Variants in P2RX6 observed in about 807,000 individuals in gnomAD.
P2RX6 encodes the protein purinergic receptor P2X 6, also known as P2X purinoceptor 6.
P2RX6 carries 62 observed loss-of-function variants against 54.2 expected under a neutral mutation model. The ratio of observed to expected loss-of-function variants is 1.14; its 90% confidence interval spans 0.93 to 1.41. P2RX6 has a LOEUF of 1.41. P2RX6 is among the 40% of genes most tolerant of loss of function. The pLI is 0.00. For synonymous variants in P2RX6, 211 were observed against 231.9 expected (o/e 0.91, Z 0.82); for missense variants, 541 against 566.3 (o/e 0.96, Z 0.45).
intron 2 of P2RX6, 45 bp from the exon 3 acceptor site, chr22:21,017,944 G>A: frequency 7.6e-7 from 1 of 1,316,040 alleles, no homozygotes; most frequent in Non-Finnish European, 1.1e-6. Context: ...GGCCTTTCCA[G>A]TCAACACGAG....
At position 21,026,690 on chromosome 22, in the gene P2RX6, C is replaced by T. The variant is rs1186855885; in HGVS notation, c.*73C>T. 3 of 1,508,932 alleles carry T rather than the reference C, an allele frequency of 2.0e-6. No homozygotes were observed. Among genetic ancestry groups the T allele is most frequent in the Non-Finnish European group, 2.7e-6 (3 of 1,124,056 alleles). The allele number at this position is 1,508,932 out of a possible 1,614,324, so 93.5% of individuals were successfully genotyped here. On this transcript the variant is annotated 3_prime_UTR_variant, in exon 12 of 12. Coordinates refer to ENST00000413302, the MANE Select transcript of P2RX6 (RefSeq NM_005446.5). This position sits in a 1 kb window ranked among gnomAD's most constrained non-coding sequence, Gnocchi z 4.0. Reference sequence around the variant, plus strand: ...GCCTGGGGATCTCAAGGATGAGGCCCCAGCATGGAGGATTGGGGGTAGAAT... The same window carrying T: ...GCCTGGGGATCTCAAGGATGAGGCCTCAGCATGGAGGATTGGGGGTAGAAT...
In P2RX6 at chr22:21,016,842, C is replaced by T. The variant is rs1365327897; in HGVS notation, c.315+750C>T. On this transcript the variant is annotated intron_variant, in intron 2 of 11. Transcript: ENST00000413302. Reference sequence around the variant, plus strand: ...AGCCTCAACTGCCACTTCTGCTCCTCTGATGCCCAGGGTGTATTCCCAGTG... The same window carrying T: ...AGCCTCAACTGCCACTTCTGCTCCTTTGATGCCCAGGGTGTATTCCCAGTG... 7.2e-5 allele frequency among the ~76,000 whole-genome samples: 11 copies of T among 152,178 alleles called. No individual in the cohort carries two copies. The East Asian group carries it at 2.1e-3, about 29-fold the overall frequency.
Position 21,015,209 on chromosome 22 carries a change from G to T in P2RX6, c.35G>T (p.Gly12Val), listed in dbSNP as rs1926113679. The change falls in exon 1 of 12, where the codon GGC becomes GTC. Residue 12 changes from glycine to valine, a missense_variant. Gly to Val is a moderately radical substitution (Grantham distance 109). This residue lies in a region of P2RX6 where 15 missense variants were observed against 34.8 expected (regional missense o/e 0.43). Transcript: ENST00000413302. The part of the protein sequence containing the change: ...CPQLAGAGSM[G>V]SPGATTGWGL... ...CAGCTAGCAGGAGCTGGCAGCATGG[G>T]CTCCCCAGGGGCTACGACAGGCTGG... The T allele has an allele frequency of 1.3e-6, 2 of 1,520,230 alleles. No homozygotes were observed. Among genetic ancestry groups the T allele is most frequent in the Admixed American group, 2.6e-5 (1 of 39,046 alleles). 94.2% of individuals were successfully genotyped at this position (1,520,230 alleles called of 1,614,324 possible). A position where few individuals can be genotyped will look rare whatever the true frequency, so the allele number is the denominator to read the frequency against.
intron 8 of P2RX6, among the ~76,000 whole-genome samples, chr22:21,023,959 G>GTT (rs35808816): frequency 2.8e-5 from 4 of 142,328 alleles, no homozygotes; most frequent in Non-Finnish European, 3.1e-5. Flanking sequence ...CTTCAGCTTT[G>GTT]TTTTTTTTTT....
At chr22:21,018,140 C>A in intron 3 of P2RX6, 80 bp downstream of exon 3, 1 of 906,552 alleles carries the variant, frequency 1.1e-6, no homozygotes, top group South Asian at 1.4e-5. Flanking sequence ...TCCCTTTCCC[C>A]TTCCCAGGTG....
upstream of P2RX6, chr22:21,014,253 G>A (rs1396487558): frequency 1.3e-5 from 2 of 153,092 alleles, no homozygotes; most frequent in Non-Finnish European, 2.9e-5. Flanking sequence ...ACCCTGAGGC[G>A]GAGACCGCTT....
At chr22:21,013,716 A>C (rs1036213203), upstream of P2RX6, 31 of 152,264 alleles carry the variant, frequency 2.0e-4, no homozygotes, top group African/African-American at 6.8e-4. Context: ...TGTTTTGTGA[A>C]TATTTTCCCC....
In P2RX6 at chr22:21,026,000, A is replaced by C. The variant is rs748399863; in HGVS notation, c.985-11A>C. 1.2e-6 allele frequency: 2 copies of C among 1,608,386 alleles called. No individual in the cohort carries two copies. The highest frequency in any genetic ancestry group is 1.3e-5 in the African/African-American group (1 of 74,938). On this transcript the variant is annotated splice_polypyrimidine_tract_variant and intron_variant, in intron 9 of 11. Coordinates refer to ENST00000413302, the MANE Select transcript of P2RX6 (RefSeq NM_005446.5). ...TCGTGGGCTGAGAGGTTCAGCTCAG[A>C]TCTCTCTCAGGCAGGGAAGTTCGGG...
At position 21,017,934 on chromosome 22, in the gene P2RX6, G is replaced by T. The variant is rs771985093; in HGVS notation, c.316-55G>T. 12 of 1,159,010 alleles carry T rather than the reference G, an allele frequency of 1.0e-5. No homozygotes were observed. The Admixed American group carries it at 2.2e-4, about 21-fold the overall frequency. The allele number at this position is 1,159,010 out of a possible 1,614,324, so 71.8% of individuals were successfully genotyped here. On this transcript the variant is annotated intron_variant, in intron 2 of 11. Coordinates refer to ENST00000413302, the MANE Select transcript of P2RX6 (RefSeq NM_005446.5). ...CTCATAAACCAGGCTGCCGGCTTCC[G>T]GCCTTTCCAGTCAACACGAGCCCAG...
chr22:21,014,918 A>G (rs1314317141), upstream of P2RX6: 6 of 407,858 alleles, frequency 1.5e-5, no homozygotes, highest in East Asian at 2.6e-4. Flanking sequence ...CACCACCTCC[A>G]CTCCCACCCC....
Position 21,026,608 on chromosome 22 carries a change from G to A in P2RX6, c.1317G>A (p.Gly439=), listed in dbSNP as rs765362392. The part of the protein sequence containing the change: ...SSDTHLPTHS[G]SL ...ACACCCACTTGCCAACCCATTCCGGGAGCCTGTAGCCGTTCCCTGCTGGTT... is the reference window on the plus strand; with the variant it reads ...ACACCCACTTGCCAACCCATTCCGGAAGCCTGTAGCCGTTCCCTGCTGGTT... The change falls in exon 12 of 12, where the codon GGG becomes GGA. Residue 439 remains glycine (G), a synonymous_variant. Transcript: ENST00000413302. This position sits in a 1 kb window ranked among gnomAD's most constrained non-coding sequence, Gnocchi z 4.0. The A allele has an allele frequency of 6.3e-7, 1 of 1,583,804 alleles. No individual in the cohort carries two copies. The highest frequency in any genetic ancestry group is 1.8e-5 in the Admixed American group (1 of 55,702).
Position 21,023,118 on chromosome 22 carries a change from G to C in P2RX6, c.558G>C (p.Ser186=), listed in dbSNP as rs758797076. Residue 186 remains serine (S), a splice_region_variant and synonymous_variant, in exon 6 of 12, where the codon TCG becomes TCC. Transcript: ENST00000413302. ...GCTGTCACCTCCCTTCCACCTGCAG[G>C]AGGCCCCTGCTGGCCCAGGCCCAGA... ...WCPVESGVVP[S]RPLLAQAQNF... is the part of the protein sequence containing the mutation. 2 of 1,613,872 alleles carry C rather than the reference G, an allele frequency of 1.2e-6. No homozygotes were observed. The highest frequency in any genetic ancestry group is 2.7e-5 in the African/African-American group (2 of 75,000).
chr22:21,012,559 G>C, upstream of P2RX6: 1 of 619,570 alleles, frequency 1.6e-6, no homozygotes, highest in South Asian at 1.6e-5. Context: ...CAGGGCACCT[G>C]CCAGGGCCTC....
Position 21,015,938 on chromosome 22 carries a change from C to T in P2RX6, c.165-4C>T. On this transcript the variant is annotated splice_polypyrimidine_tract_variant and splice_region_variant and intron_variant, in intron 1 of 11. Coordinates refer to ENST00000413302, the MANE Select transcript of P2RX6 (RefSeq NM_005446.5). Reference sequence around the variant, plus strand: ...CACCACACTGCCCGACTTCTCCTCCCCAGGTGGGCTCTCCTCGCCAAAAAA... The same window carrying T: ...CACCACACTGCCCGACTTCTCCTCCTCAGGTGGGCTCTCCTCGCCAAAAAA... 1 of 1,549,522 alleles carries T rather than the reference C, an allele frequency of 6.5e-7. No individual in the cohort carries two copies. Among genetic ancestry groups the T allele is most frequent in the Non-Finnish European group, 8.7e-7 (1 of 1,146,814 alleles).
chr22:21,023,776 C>T (rs1488679864), intron 8 of P2RX6, among the ~76,000 whole-genome samples, 158 bp downstream of exon 8: 2 of 152,152 alleles, frequency 1.3e-5, no homozygotes, highest in East Asian at 1.9e-4. Flanking sequence ...ACCCCACATC[C>T]TCCAGCACAG....
Position 21,016,119 on chromosome 22 carries a change from G to T in P2RX6, c.315+27G>T, listed in dbSNP as rs181445943. 1.4e-4 allele frequency: 211 copies of T among 1,551,256 alleles called. 1 individual carries two copies. The East Asian group carries it at 3.4e-3, about 25-fold the overall frequency. Reference sequence around the variant, plus strand: ...TGGGGGCCCTGATGTTGCTGACGGGGGCGCAAGTCCTTTCCCCACTGACAG... The same window carrying T: ...TGGGGGCCCTGATGTTGCTGACGGGTGCGCAAGTCCTTTCCCCACTGACAG... On this transcript the variant is annotated intron_variant, in intron 2 of 11. Coordinates refer to ENST00000413302, the MANE Select transcript of P2RX6 (RefSeq NM_005446.5).
intron 3 of P2RX6, among the ~76,000 whole-genome samples, chr22:21,019,886 G>A (rs1927060399): frequency 6.6e-6 from 1 of 152,258 alleles, no homozygotes; most frequent in Non-Finnish European, 1.5e-5. Flanking sequence ...GATCGCTCAT[G>A]CTATTGTTTG....
chr22:21,022,334 A>G (rs1191781206), intron 3 of P2RX6, among the ~76,000 whole-genome samples: 3 of 152,234 alleles, frequency 2.0e-5, no homozygotes, highest in African/African-American at 7.2e-5. Context: ...TGATCATACC[A>G]CTGCACTAGA....
chr22:21,016,003 A>G lies in P2RX6; in HGVS notation c.226A>G (p.Ile76Val), dbSNP rs1223570714. ...ERDLEPQFSI[I>V]TKLKGVSVTQ... is the part of the protein sequence containing the mutation. ...GGACCTGGAACCCCAGTTTTCCATC[A>G]TCACCAAACTCAAAGGGGTTTCCGT... Residue 76 changes from isoleucine to valine, a missense_variant, in exon 2 of 12, where the codon ATC becomes GTC. Ile to Val is a conservative substitution (Grantham distance 29). Coordinates refer to ENST00000413302, the MANE Select transcript of P2RX6 (RefSeq NM_005446.5). 1.3e-6 allele frequency: 2 copies of G among 1,551,192 alleles called. No individual in the cohort carries two copies. Among genetic ancestry groups the G allele is most frequent in the Non-Finnish European group, 8.7e-7 (1 of 1,147,812 alleles).
Sources: allele counts gnomAD v4.1 joint callset (sites outside exome capture counted in the v4.1 genomes callset), GRCh38; gene constraint gnomAD v4.1.1; regional missense constraint gnomAD v4.1.1; non-coding constraint Gnocchi (gnomAD v3.1); transcripts MANE v1.5; gene names NCBI Gene and HGNC (gene_info 2026-07-23, HGNC 2026-07-21).